The following C1D variants were observed in gnomAD, a reference collection of about 807,000 sequenced individuals.
The protein encoded by C1D is nuclear nucleic acid-binding protein C1D.
In C1D, 10 loss-of-function variants were observed where a neutral mutation model predicts 17.5. The observed-to-expected ratio is 0.57, with a 90% CI of 0.35 to 0.97. C1D has a LOEUF of 0.97. C1D is among the 50% of genes least tolerant of loss of function. C1D has a pLI of 0.01. For missense variants in C1D, 136 were observed against 160.1 expected (o/e 0.85, Z 0.81); for synonymous variants, 49 against 54.0 (o/e 0.91, Z 0.40).
intron 4 of C1D, among the ~76,000 whole-genome samples, chr2:68,045,439 A>C (rs1020465124): frequency 1.3e-5 from 2 of 152,200 alleles, no homozygotes; most frequent in Non-Finnish European, 2.9e-5. Context: ...CTGTACTTAT[A>C]CATCTAAATG....
intron 1 of C1D, among the ~76,000 whole-genome samples, chr2:68,048,216 A>G (rs1671187750): frequency 6.6e-6 from 1 of 152,224 alleles, no homozygotes; most frequent in African/African-American, 2.4e-5. Context: ...TGTATTATTA[A>G]AGTATCTAAG....
intron 1 of C1D, among the ~76,000 whole-genome samples, chr2:68,051,966 G>A (rs1022396785): frequency 2.0e-5 from 3 of 151,750 alleles, no homozygotes; most frequent in African/African-American, 7.3e-5. Context: ...CACAAGCACT[G>A]CCTGACAGTC....
At position 68,042,841 on chromosome 2, in the gene C1D, GGGGGGGA is replaced by G. The variant is rs1558579160; in HGVS notation, c.*41_*47del. The G allele has an allele frequency of 1.8e-4, 68 of 368,384 alleles. 1 individual carries two copies. The highest frequency in any genetic ancestry group is 1.7e-3 in the South Asian group (59 of 34,676). 22.8% of individuals were successfully genotyped at this position (368,384 alleles called of 1,614,324 possible). On this transcript the variant is annotated 3_prime_UTR_variant, in exon 5 of 5. Transcript: ENST00000410067. ...AGAATTATTTTGCGGGGGGGGGGGG[GGGGGGGA>G]AGATGTACTTTTTGAATATGTGTAC...
intron 1 of C1D, among the ~76,000 whole-genome samples, chr2:68,058,678 A>G (rs1415006466): frequency 6.6e-6 from 1 of 152,208 alleles, no homozygotes; most frequent in Non-Finnish European, 1.5e-5. Flanking sequence ...AATCTTTAAT[A>G]CAACATATAA....
chr2:68,045,406 T>C (rs1375065931), intron 4 of C1D, among the ~76,000 whole-genome samples: 1 of 152,176 alleles, frequency 6.6e-6, no homozygotes, highest in East Asian at 1.9e-4. Flanking sequence ...CAGCAAAAAC[T>C]CCAAGATACC....
intron 1 of C1D, among the ~76,000 whole-genome samples, chr2:68,054,979 T>TTA (rs1553390033): frequency 0.011 from 1,483 of 137,514 alleles, 24 homozygotes; most frequent in African/African-American, 0.037. Context: ...CTTTTTTTTT[T>TTA]AAAAAAAAAA....
intron 1 of C1D, among the ~76,000 whole-genome samples, chr2:68,060,115 G>A (rs890223672): frequency 6.6e-6 from 1 of 152,168 alleles, no homozygotes; most frequent in Non-Finnish European, 1.5e-5. Flanking sequence ...CCCAAACTTT[G>A]ACAATAACCT....
chr2:68,053,896 C>T (rs1671356713), intron 1 of C1D, among the ~76,000 whole-genome samples: 1 of 152,188 alleles, frequency 6.6e-6, no homozygotes, highest in South Asian at 2.1e-4. Flanking sequence ...AAATAGGTTC[C>T]AGTTCGGCCA....
chr2:68,061,272 G>A (rs74839290), intron 1 of C1D, among the ~76,000 whole-genome samples: 2,566 of 152,282 alleles, frequency 0.017, 82 homozygotes, highest in African/African-American at 0.058. Context: ...GCTGTCTTGG[G>A]CAAACAGTGA....
In C1D at chr2:68,042,953, G is replaced by C; in HGVS notation, c.362C>G (p.Ala121Gly). 6.2e-7 allele frequency: 1 copy of C among 1,609,126 alleles called. No homozygotes were observed. Among genetic ancestry groups the C allele is most frequent in the Non-Finnish European group, 8.5e-7 (1 of 1,177,342 alleles). Residue 121 changes from alanine (A) to glycine (G), a missense_variant, in exon 5 of 5, where the codon GCC becomes GGC. By Grantham distance (60) the Ala-to-Gly change is moderately conservative. Transcript: ENST00000410067. The part of the protein sequence containing the change: ...RGAASRFVKN[A>G]LWEPKSKNAS... ...ATTTTTCGATTTTGGTTCCCAGAGG[G>C]CATTTTTTACAAATCTTGAAGCTGC...
chr2:68,060,657 A>ATGGGG (rs1450437455), intron 1 of C1D, among the ~76,000 whole-genome samples: 1 of 139,038 alleles, frequency 7.2e-6, no homozygotes, highest in Non-Finnish European at 1.6e-5. Context: ...GAGGGGCGAG[A>ATGGGG]TGGGGTGGGG....
chr2:68,043,985 G>A (rs1671045602), intron 4 of C1D, among the ~76,000 whole-genome samples: 1 of 152,094 alleles, frequency 6.6e-6, no homozygotes, highest in African/African-American at 2.4e-5. Flanking sequence ...TTATTCCTCT[G>A]CCTAGAAGGA....
intron 1 of C1D, among the ~76,000 whole-genome samples, chr2:68,060,042 T>C (rs1671572049): frequency 6.6e-6 from 1 of 152,214 alleles, no homozygotes; most frequent in African/African-American, 2.4e-5. Context: ...CCCACAAACC[T>C]GCCCCTCCCA....
At chr2:68,046,756 A>G (rs1671134792) in intron 2 of C1D, among the ~76,000 whole-genome samples, 1 of 152,202 alleles carries the variant, frequency 6.6e-6, no homozygotes, top group Admixed American at 6.5e-5. Flanking sequence ...AACATTGTAC[A>G]TGATGCATTT....
At chr2:68,053,097 G>A in intron 1 of C1D, 3 of 1,550,800 alleles carry the variant, frequency 1.9e-6, no homozygotes, top group Non-Finnish European at 1.7e-6. Context: ...GGGTTCTATA[G>A]GTACTCCTTG....
Position 68,048,100 on chromosome 2 carries a change from GC to G in C1D, c.-9-782del, listed in dbSNP as rs959100037. Among the ~76,000 whole-genome samples, 26 of 151,976 alleles carry G rather than the reference GC, an allele frequency of 1.7e-4. 1 individual carries two copies. Among genetic ancestry groups the G allele is most frequent in the Admixed American group, 1.6e-3 (24 of 15,258 alleles). On this transcript the variant is annotated intron_variant, in intron 1 of 4. Coordinates refer to ENST00000410067, the MANE Select transcript of C1D (RefSeq NM_173177.3). ...CCAAAGAGTCTATAAATCATATAAA[GC>G]CCATAAGCAGAAAAGAGGAAACTTG...
At chr2:68,054,978 T>TA (rs201067574) in intron 1 of C1D, among the ~76,000 whole-genome samples, 3,081 of 139,634 alleles carry the variant, frequency 0.022, 124 homozygotes, top group African/African-American at 0.079. Flanking sequence ...TCTTTTTTTT[T>TA]TAAAAAAAAA....
intron 1 of C1D, among the ~76,000 whole-genome samples, chr2:68,052,129 AC>A (rs1456365636): frequency 6.6e-6 from 1 of 151,602 alleles, no homozygotes; most frequent in Non-Finnish European, 1.5e-5. Context: ...ATAGTGACAC[AC>A]AATGAGAAGG....
intron 1 of C1D, among the ~76,000 whole-genome samples, chr2:68,056,347 C>T (rs1425955481): frequency 2.6e-5 from 4 of 151,982 alleles, no homozygotes; most frequent in African/African-American, 9.7e-5. Flanking sequence ...TGTGATCTGC[C>T]CACCTCAGCC....
Sources: gnomAD v4.1 joint callset for allele counts (sites outside exome capture counted in the v4.1 genomes callset) on GRCh38, gnomAD v4.1.1 for gene constraint, MANE v1.5 for transcripts, NCBI Gene and HGNC (gene_info 2026-07-23, HGNC 2026-07-21) for gene names.